IP6K3: variants seen among roughly 807,000 people sequenced by gnomAD.
IP6K3 encodes the protein inositol hexakisphosphate kinase 3, also known as ATP:1D-myo-inositol-hexakisphosphate phosphotransferase.
IP6K3 carries 20 observed loss-of-function variants against 28.8 expected under a neutral mutation model. That is an observed-to-expected ratio of 0.70 (90% CI 0.49 to 1.01). The LOEUF is 1.01. Among genes scored for constraint, IP6K3 ranks in the 50% least tolerant of loss-of-function variants. The pLI, the probability that IP6K3 is intolerant of heterozygous loss-of-function variation, is 0.00. For missense variants in IP6K3, 480 were observed against 537.1 expected (o/e 0.89, Z 1.05); for synonymous variants, 213 against 221.3 (o/e 0.96, Z 0.33).
intron 1 of IP6K3, among the ~76,000 whole-genome samples, chr6:33,743,495 G>A (rs1173610741): frequency 6.6e-6 from 1 of 152,180 alleles, no homozygotes; most frequent in Non-Finnish European, 1.5e-5. Flanking sequence ...GTTGTAATGG[G>A]CAGGAGAAAT....
intron 1 of IP6K3, among the ~76,000 whole-genome samples, chr6:33,740,844 C>T (rs1407654417): frequency 6.6e-6 from 1 of 152,204 alleles, no homozygotes; most frequent in African/African-American, 2.4e-5. Context: ...GCAGACGAAA[C>T]CACAAATCAA....
At chr6:33,741,033 T>C (rs532795931) in intron 1 of IP6K3, among the ~76,000 whole-genome samples, 1 of 152,348 alleles carries the variant, frequency 6.6e-6, no homozygotes, top group East Asian at 1.9e-4. Context: ...TAAGCGTGGC[T>C]CACGTGATTT....
the IP6K3 span, among the ~76,000 whole-genome samples, chr6:33,760,673 G>A: frequency 3.3e-5 from 5 of 152,166 alleles, no homozygotes; most frequent in Non-Finnish European, 7.3e-5. Flanking sequence ...GACTACAGGT[G>A]CCCACCACAA....
chr6:33,736,507 C>T (rs147516727), intron 1 of IP6K3, among the ~76,000 whole-genome samples: 1,943 of 152,254 alleles, frequency 0.013, 20 homozygotes, highest in South Asian at 0.024. Flanking sequence ...CGGGTTCAAG[C>T]GATTCTCCTG....
chr6:33,754,169 C>T, the IP6K3 span, among the ~76,000 whole-genome samples: 1 of 152,072 alleles, frequency 6.6e-6, no homozygotes, highest in Non-Finnish European at 1.5e-5. Flanking sequence ...CCAGAGGGAG[C>T]GGCCCCCCAG....
At chr6:33,732,214 A>G (rs1407298359) in intron 2 of IP6K3, among the ~76,000 whole-genome samples, 1 of 152,200 alleles carries the variant, frequency 6.6e-6, no homozygotes, top group Admixed American at 6.5e-5. Context: ...GGAGCCCAGC[A>G]AAGGTCCCAG....
chr6:33,749,784 A>G (rs1766996354), upstream of IP6K3, among the ~76,000 whole-genome samples: 1 of 151,928 alleles, frequency 6.6e-6, no homozygotes, highest in Admixed American at 6.6e-5. Flanking sequence ...TGGTCCTCAC[A>G]ATAGCCTTGT....
Position 33,735,311 on chromosome 6 carries a change from G to A in IP6K3, c.166C>T (p.Leu56=). 1 of 1,611,520 alleles carries A rather than the reference G, an allele frequency of 6.2e-7. No individual in the cohort carries two copies. The highest frequency in any genetic ancestry group is 8.5e-7 in the Non-Finnish European group (1 of 1,179,096). ...REQRFYESLP[L]AMKRFTPQYK... ...TGTGGGGTGAACCGCTTCATGGCCA[G>A]CGGCAGGGATTCATAGAACCTCTGC... The change falls in exon 2 of 6, where the codon CTG becomes TTG. Residue 56 remains leucine (L), a synonymous_variant. Transcript: ENST00000293756.
chr6:33,731,462 G>T (rs138804082), intron 2 of IP6K3, among the ~76,000 whole-genome samples: 3 of 152,294 alleles, frequency 2.0e-5, no homozygotes, highest in African/African-American at 7.2e-5. Flanking sequence ...GGAGAGCAGA[G>T]GTGCAAATAA....
upstream of IP6K3, among the ~76,000 whole-genome samples, chr6:33,747,104 A>C (rs563253463): frequency 6.6e-6 from 1 of 152,148 alleles, no homozygotes; most frequent in South Asian, 2.1e-4. The surrounding 1 kb of genome is among the most constrained non-coding windows in gnomAD (Gnocchi z 5.2). Context: ...GGTCTGAGGC[A>C]GGGGAGAGTT....
At chr6:33,725,228 CAAAAA>C (rs10570024) in intron 5 of IP6K3, among the ~76,000 whole-genome samples, 2 of 116,738 alleles carry the variant, frequency 1.7e-5, no homozygotes, top group Admixed American at 8.4e-5. Context: ...GACTCCGTCT[CAAAAA>C]AAAAAAAAAA....
the IP6K3 span, among the ~76,000 whole-genome samples, chr6:33,758,041 G>A: frequency 6.6e-6 from 1 of 152,230 alleles, no homozygotes; most frequent in Non-Finnish European, 1.5e-5. Context: ...CAATTCTGGA[G>A]AGTGGTGGAG....
the IP6K3 span, among the ~76,000 whole-genome samples, chr6:33,752,869 A>T: frequency 1.3e-5 from 2 of 152,248 alleles, no homozygotes; most frequent in African/African-American, 4.8e-5. Flanking sequence ...TGTTTCCATG[A>T]TATAATGCAA....
chr6:33,751,781 C>A (rs1339554044), upstream of IP6K3, among the ~76,000 whole-genome samples: 1 of 152,192 alleles, frequency 6.6e-6, no homozygotes, highest in African/African-American at 2.4e-5. This position sits in a 1 kb window ranked among gnomAD's most constrained non-coding sequence, Gnocchi z 4.3. Context: ...AGCCCTCGGT[C>A]ACACCTTGGT....
chr6:33,726,476 C>A, intron 4 of IP6K3, among the ~76,000 whole-genome samples: 1 of 152,228 alleles, frequency 6.6e-6, no homozygotes, highest in African/African-American at 2.4e-5. Context: ...AGCCAGGGCC[C>A]CCCCAGGGCA....
the IP6K3 span, among the ~76,000 whole-genome samples, chr6:33,756,382 T>C: frequency 6.6e-6 from 1 of 151,650 alleles, no homozygotes. Context: ...GCGCTGCAAG[T>C]GCAAAGGCCC....
chr6:33,757,530 G>A, the IP6K3 span, among the ~76,000 whole-genome samples: 1 of 152,206 alleles, frequency 6.6e-6, no homozygotes, highest in South Asian at 2.1e-4. Flanking sequence ...TGAGCTTTTT[G>A]AGGGTAGAGG....
upstream of IP6K3, among the ~76,000 whole-genome samples, chr6:33,749,890 G>A (rs1162856100): frequency 6.6e-6 from 1 of 152,062 alleles, no homozygotes; most frequent in African/African-American, 2.4e-5. Context: ...GACCAGCGTG[G>A]CACTCACTAT....
intron 2 of IP6K3, 70 bp downstream of exon 2, chr6:33,735,208 G>T (rs778918073): frequency 1.5e-6 from 2 of 1,314,932 alleles, no homozygotes; most frequent in South Asian, 1.2e-5. Context: ...GGAGGACGTG[G>T]TGGGTGCATT....
Sources: allele counts gnomAD v4.1 joint callset (sites outside exome capture counted in the v4.1 genomes callset), GRCh38; gene constraint gnomAD v4.1.1; non-coding constraint Gnocchi (gnomAD v3.1); transcripts MANE v1.5; gene names NCBI Gene and HGNC (gene_info 2026-07-23, HGNC 2026-07-21).